Variants in HMGCS1 observed in about 807,000 individuals in gnomAD.
The protein encoded by HMGCS1 is 3-hydroxy-3-methylglutaryl-CoA synthase 1, also known as hydroxymethylglutaryl-CoA synthase, cytoplasmic.
Under a neutral mutation model 52.3 loss-of-function variants are expected in HMGCS1, and 9 were observed. That is an observed-to-expected ratio of 0.17 (90% CI 0.10 to 0.30). The LOEUF (loss-of-function observed/expected upper bound fraction) is 0.30, where lower values mean the gene tolerates loss of function less well. Ranked by LOEUF, HMGCS1 falls within the 10% of genes least tolerant of loss-of-function variation. HMGCS1 has a pLI of 1.00. For synonymous variants in HMGCS1, 176 were observed against 214.4 expected (o/e 0.82, Z 1.57); for missense variants, 320 against 620.9 (o/e 0.52, Z 5.15).
chr5:43,301,979 C>A (rs944421436), intron 2 of HMGCS1, among the ~76,000 whole-genome samples: 5 of 152,214 alleles, frequency 3.3e-5, no homozygotes, highest in African/African-American at 9.7e-5. Context: ...TCCACACAAA[C>A]CCTGTTTACT....
rs144226540 is a variant in HMGCS1 at position 43,307,126 on chromosome 5, A to T, written c.-11+640T>A. ...CACTCTGTTGCCCAGGCTGGAGTGC[A>T]GTGGCGCAATCTCAGCTCACTGCAA... On this transcript the variant is annotated intron_variant, in intron 2 of 10. Coordinates refer to ENST00000325110, the MANE Select transcript of HMGCS1 (RefSeq NM_001098272.3). 3.5e-4 allele frequency among the ~76,000 whole-genome samples: 50 copies of T among 143,668 alleles called. No homozygotes were observed. In the East Asian group the frequency reaches 6.7e-3, roughly 19 times the overall value. 94.3% of individuals were successfully genotyped at this position (143,668 alleles called of 152,430 possible).
chr5:43,296,847 G>A (rs1754053947), intron 5 of HMGCS1, among the ~76,000 whole-genome samples, 155 bp downstream of exon 5: 1 of 152,164 alleles, frequency 6.6e-6, no homozygotes, highest in African/African-American at 2.4e-5. Flanking sequence ...CACTTTCCCA[G>A]AAACTATGGG....
At chr5:43,297,909 C>T in intron 4 of HMGCS1, 100 bp downstream of exon 4, 1 of 942,068 alleles carries the variant, frequency 1.1e-6, no homozygotes, top group Non-Finnish European at 1.6e-6. Flanking sequence ...GTAGTACCTG[C>T]ATTTAATGAC....
At chr5:43,312,478 C>T (rs1466132965) in intron 1 of HMGCS1, among the ~76,000 whole-genome samples, 1 of 152,176 alleles carries the variant, frequency 6.6e-6, no homozygotes, top group Non-Finnish European at 1.5e-5. Flanking sequence ...TCAGAATAAT[C>T]GTTTCTCTAC....
At chr5:43,309,058 C>T (rs1754722889) in intron 1 of HMGCS1, among the ~76,000 whole-genome samples, 1 of 151,922 alleles carries the variant, frequency 6.6e-6, no homozygotes, top group Non-Finnish European at 1.5e-5. Flanking sequence ...GCAAATTAAG[C>T]AGACCACAGA....
intron 2 of HMGCS1, among the ~76,000 whole-genome samples, chr5:43,303,259 C>A (rs1057021043): frequency 6.6e-6 from 1 of 152,250 alleles, no homozygotes; most frequent in African/African-American, 2.4e-5. Flanking sequence ...CCTTAACTCT[C>A]AATGTGATGG....
chr5:43,291,074 C>T lies in HMGCS1; in HGVS notation c.*57G>A. ...CAGATATCCCATTCCTCCAACTGTTCCCATACCCCCACCCCATGCCCACCC... is the reference window on the plus strand; with the variant it reads ...CAGATATCCCATTCCTCCAACTGTTTCCATACCCCCACCCCATGCCCACCC... On this transcript the variant is annotated 3_prime_UTR_variant, in exon 11 of 11. Coordinates refer to ENST00000325110, the MANE Select transcript of HMGCS1 (RefSeq NM_001098272.3). The T allele has an allele frequency of 1.1e-6, 1 of 904,020 alleles. No individual in the cohort carries two copies. Among genetic ancestry groups the T allele is most frequent in the South Asian group, 1.3e-5 (1 of 75,696 alleles). The allele number at this position is 904,020 out of a possible 1,614,324, so 56.0% of individuals were successfully genotyped here.
At chr5:43,294,479 A>G in intron 7 of HMGCS1, 1 of 497,364 alleles carries the variant, frequency 2.0e-6, no homozygotes, top group East Asian at 3.2e-5. Context: ...AACAGAAGCC[A>G]GGAAAGCCAG....
chr5:43,309,216 T>C (rs1021879185), intron 1 of HMGCS1, among the ~76,000 whole-genome samples: 7 of 151,980 alleles, frequency 4.6e-5, no homozygotes, highest in Non-Finnish European at 1.0e-4. Flanking sequence ...TGCCTTTCCT[T>C]GCACTGCCTA....
At chr5:43,299,887 A>G (rs1417275745) in intron 2 of HMGCS1, among the ~76,000 whole-genome samples, 1 of 152,192 alleles carries the variant, frequency 6.6e-6, no homozygotes, top group Non-Finnish European at 1.5e-5. Context: ...TACTATAGAT[A>G]TTTCAAACAG....
chr5:43,292,450 G>A (rs1474026951), intron 10 of HMGCS1, 24 bp downstream of exon 10: 7 of 1,604,212 alleles, frequency 4.4e-6, no homozygotes, highest in Non-Finnish European at 5.1e-6. Context: ...CCTAAGATAT[G>A]GAGATGGGAA....
chr5:43,296,897 A>G, intron 5 of HMGCS1, 105 bp downstream of exon 5: 1 of 767,932 alleles, frequency 1.3e-6, no homozygotes, highest in Non-Finnish European at 2.1e-6. Flanking sequence ...TGGTAAAAGG[A>G]TATTAAATGA....
At position 43,290,083 on chromosome 5, in the gene HMGCS1, A is replaced by G. The variant is rs1753673137; in HGVS notation, c.*1048T>C. 6.6e-6 allele frequency: 1 copy of G among 151,668 alleles called. No individual in the cohort carries two copies. Among genetic ancestry groups the G allele is most frequent in the African/African-American group, 2.4e-5 (1 of 41,140 alleles). 9.4% of individuals were successfully genotyped at this position (151,668 alleles called of 1,614,324 possible). On this transcript the variant is annotated 3_prime_UTR_variant, in exon 11 of 11. Transcript: ENST00000325110. ...CTTGGGTCATACCTTATTTTCATTG[A>G]ACAGATACCAAAAAAAAAAAAAAAA...
chr5:43,305,489 G>T (rs1754521498), intron 2 of HMGCS1, among the ~76,000 whole-genome samples: 1 of 152,004 alleles, frequency 6.6e-6, no homozygotes, highest in African/African-American at 2.4e-5. Flanking sequence ...GAATAAAGAG[G>T]CCGGGTGTGA....
chr5:43,294,579 A>G (rs1208567662), intron 7 of HMGCS1, 112 bp downstream of exon 7: 11 of 695,680 alleles, frequency 1.6e-5, no homozygotes, highest in Middle Eastern at 4.0e-4. Flanking sequence ...GAGAGCCTCA[A>G]GATAAAATTT....
At position 43,290,933 on chromosome 5, in the gene HMGCS1, C is replaced by A; in HGVS notation, c.*198G>T. ...ACATTTGGCATTGGCCAGACCACAA[C>A]AGGAAGCATGTCAGCAAATAGAGCA... On this transcript the variant is annotated 3_prime_UTR_variant, in exon 11 of 11. Coordinates refer to ENST00000325110, the MANE Select transcript of HMGCS1 (RefSeq NM_001098272.3). 3 of 542,938 alleles carry A rather than the reference C, an allele frequency of 5.5e-6. No homozygotes were observed. Among genetic ancestry groups the A allele is most frequent in the East Asian group, 2.9e-5 (1 of 35,022 alleles). The allele number at this position is 542,938 out of a possible 1,614,324, so 33.6% of individuals were successfully genotyped here.
intron 6 of HMGCS1, 35 bp downstream of exon 6, chr5:43,295,717 T>C (rs1753998129): frequency 6.6e-7 from 1 of 1,522,816 alleles, no homozygotes; most frequent in Non-Finnish European, 9.0e-7. Flanking sequence ...AATGCTCTAA[T>C]ATAGAAGGAA....
intron 2 of HMGCS1, among the ~76,000 whole-genome samples, chr5:43,300,489 G>T (rs1429111910): frequency 6.6e-6 from 1 of 152,142 alleles, no homozygotes; most frequent in African/African-American, 2.4e-5. Context: ...CTGCTGCTCT[G>T]CAATTAAAGG....
intron 1 of HMGCS1, among the ~76,000 whole-genome samples, chr5:43,312,204 C>T (rs1373808032): frequency 6.6e-6 from 1 of 152,208 alleles, no homozygotes; most frequent in Non-Finnish European, 1.5e-5. Flanking sequence ...AGGAGCACTT[C>T]CATTTGTCTT....
Sources: gnomAD v4.1 joint callset for allele counts (sites outside exome capture counted in the v4.1 genomes callset) on GRCh38, gnomAD v4.1.1 for gene constraint, MANE v1.5 for transcripts, NCBI Gene and HGNC (gene_info 2026-07-23, HGNC 2026-07-21) for gene names.